NDUFAF2: variants seen among roughly 807,000 people sequenced by gnomAD.
NDUFAF2 encodes the protein NADH:ubiquinone oxidoreductase complex assembly factor 2.
NDUFAF2 carries 13 observed loss-of-function variants against 22.8 expected under a neutral mutation model. That is an observed-to-expected ratio of 0.57 (90% CI 0.37 to 0.91). The LOEUF (loss-of-function observed/expected upper bound fraction) is 0.91, where lower values mean the gene tolerates loss of function less well. Ranked by LOEUF, NDUFAF2 falls within the 40% of genes least tolerant of loss-of-function variation. NDUFAF2 has a pLI of 0.01. For missense variants in NDUFAF2, 162 were observed against 195.2 expected (o/e 0.83, Z 1.01); for synonymous variants, 53 against 64.2 (o/e 0.83, Z 0.84).
chr5:60,947,425 T>G (rs935954171), intron 1 of NDUFAF2, among the ~76,000 whole-genome samples: 1 of 152,168 alleles, frequency 6.6e-6, no homozygotes, highest in African/African-American at 2.4e-5. Flanking sequence ...TTATTTACTA[T>G]CTACAGATCT....
intron 3 of NDUFAF2, among the ~76,000 whole-genome samples, chr5:61,139,517 A>G (rs537947477): frequency 6.6e-6 from 1 of 152,376 alleles, no homozygotes; most frequent in Admixed American, 6.5e-5. Flanking sequence ...GAAGGAGCTA[A>G]CAGTTTGATA....
intron 1 of NDUFAF2, among the ~76,000 whole-genome samples, chr5:60,972,371 C>T (rs1418301027): frequency 1.3e-5 from 2 of 151,918 alleles, no homozygotes; most frequent in Non-Finnish European, 2.9e-5. Context: ...ATAGTTGAAT[C>T]ACGGGGGTGG....
intron 1 of NDUFAF2, among the ~76,000 whole-genome samples, chr5:60,991,468 G>A (rs938449480): frequency 4.6e-5 from 7 of 151,950 alleles, no homozygotes; most frequent in Non-Finnish European, 1.0e-4. Context: ...ACCCTTCCCA[G>A]CCTCTGGTAA....
intron 1 of NDUFAF2, among the ~76,000 whole-genome samples, chr5:60,968,102 C>G (rs1404088856): frequency 6.6e-6 from 1 of 151,550 alleles, no homozygotes; most frequent in Non-Finnish European, 1.5e-5. Context: ...TATATTTATT[C>G]TAGGTTATAC....
At chr5:61,066,683 C>T (rs1181833571) in intron 1 of NDUFAF2, among the ~76,000 whole-genome samples, 1 of 152,118 alleles carries the variant, frequency 6.6e-6, no homozygotes, top group African/African-American at 2.4e-5. Flanking sequence ...AACCTATCCA[C>T]ATACTTCTGT....
At position 61,097,735 on chromosome 5, in the gene NDUFAF2, G is replaced by A. The variant is rs556985944; in HGVS notation, c.218-1257G>A. ...TCTTATTTTTCTAACATGTAGTTAG[G>A]GTCACACCTAGCCTGGCTTTCTCTT... On this transcript the variant is annotated intron_variant, in intron 2 of 3. Coordinates refer to ENST00000296597, the MANE Select transcript of NDUFAF2 (RefSeq NM_174889.5). 1.1e-3 allele frequency among the ~76,000 whole-genome samples: 170 copies of A among 152,192 alleles called. 1 individual carries two copies. Among genetic ancestry groups the A allele is most frequent in the African/African-American group, 3.9e-3 (162 of 41,530 alleles).
intron 1 of NDUFAF2, among the ~76,000 whole-genome samples, chr5:60,958,203 A>G (rs928815840): frequency 9.9e-5 from 15 of 152,162 alleles, no homozygotes; most frequent in Admixed American, 6.5e-4. Context: ...TAAGCAAAAC[A>G]TCTGTTTTAT....
At chr5:61,145,235 G>A (rs1038964034) in intron 3 of NDUFAF2, among the ~76,000 whole-genome samples, 14 of 152,162 alleles carry the variant, frequency 9.2e-5, no homozygotes, top group African/African-American at 3.4e-4. Context: ...GCATTGGAAA[G>A]GACTTGAGCC....
At chr5:61,028,749 C>T (rs1197965753) in intron 1 of NDUFAF2, among the ~76,000 whole-genome samples, 3 of 152,036 alleles carry the variant, frequency 2.0e-5, no homozygotes, top group Non-Finnish European at 1.5e-5. Context: ...ATATGTGTAA[C>T]TTTTATTAAT....
chr5:60,948,303 T>G (rs756319111), intron 1 of NDUFAF2, among the ~76,000 whole-genome samples: 41 of 152,348 alleles, frequency 2.7e-4, no homozygotes, highest in Middle Eastern at 3.4e-3. Context: ...TACTGCAACC[T>G]CTGCCTCCCA....
intron 3 of NDUFAF2, among the ~76,000 whole-genome samples, chr5:61,124,198 A>C (rs1195780807): frequency 8.0e-6 from 1 of 125,198 alleles, no homozygotes; most frequent in Non-Finnish European, 1.9e-5. Flanking sequence ...GGCCCATCAT[A>C]ATAACTACCT....
intron 1 of NDUFAF2, among the ~76,000 whole-genome samples, chr5:60,956,415 T>G (rs984492218): frequency 1.3e-5 from 2 of 152,192 alleles, no homozygotes; most frequent in African/African-American, 4.8e-5. Context: ...TAGGCATCCT[T>G]GTCTCATTCC....
chr5:60,986,707 G>T (rs1403017768), intron 1 of NDUFAF2, among the ~76,000 whole-genome samples: 1 of 152,000 alleles, frequency 6.6e-6, no homozygotes, highest in Non-Finnish European at 1.5e-5. Context: ...GAGGTGGGCA[G>T]ATCACAGGGT....
intron 3 of NDUFAF2, among the ~76,000 whole-genome samples, chr5:61,102,404 C>T (rs1205410476): frequency 6.6e-6 from 1 of 151,984 alleles, no homozygotes; most frequent in Non-Finnish European, 1.5e-5. Flanking sequence ...TTAACAATGA[C>T]ATCAAAACAA....
chr5:61,132,754 G>C (rs188718270), intron 3 of NDUFAF2, among the ~76,000 whole-genome samples: 2 of 152,006 alleles, frequency 1.3e-5, no homozygotes, highest in Admixed American at 6.6e-5. Flanking sequence ...TAGTTGTTTC[G>C]AGTAGTAACT....
intron 1 of NDUFAF2, among the ~76,000 whole-genome samples, chr5:60,951,060 C>T (rs923490522): frequency 1.3e-5 from 2 of 151,924 alleles, no homozygotes; most frequent in Non-Finnish European, 2.9e-5. Flanking sequence ...GACAGAGTCT[C>T]ACTCTGTCGC....
At chr5:60,997,922 C>T (rs908554902) in intron 1 of NDUFAF2, among the ~76,000 whole-genome samples, 1 of 152,184 alleles carries the variant, frequency 6.6e-6, no homozygotes, top group African/African-American at 2.4e-5. Context: ...GGCCACCTTC[C>T]AGGCTTCCTA....
At chr5:60,996,473 G>A (rs144202302) in intron 1 of NDUFAF2, among the ~76,000 whole-genome samples, 1 of 152,180 alleles carries the variant, frequency 6.6e-6, no homozygotes, top group African/African-American at 2.4e-5. Flanking sequence ...GAAGGAAGGG[G>A]TCTATTTTGG....
At chr5:60,987,254 A>C (rs1196385433) in intron 1 of NDUFAF2, among the ~76,000 whole-genome samples, 2 of 152,156 alleles carry the variant, frequency 1.3e-5, no homozygotes, top group African/African-American at 4.8e-5. Flanking sequence ...GAACAGACCG[A>C]TAATGAGCTC....
Sources: gnomAD v4.1 joint callset for allele counts (sites outside exome capture counted in the v4.1 genomes callset) on GRCh38, gnomAD v4.1.1 for gene constraint, MANE v1.5 for transcripts, NCBI Gene and HGNC (gene_info 2026-07-23, HGNC 2026-07-21) for gene names.